The following ABCB7 variants were observed in gnomAD, a reference collection of about 807,000 sequenced individuals.
The protein encoded by ABCB7 is ATP binding cassette subfamily B member 7.
A neutral mutation model predicts 54.4 loss-of-function variants in ABCB7; 7 were observed. The ratio of observed to expected loss-of-function variants is 0.13; its 90% CI spans 0.07 to 0.24. The LOEUF is 0.24. Among genes scored for constraint, ABCB7 ranks in the 10% least tolerant of loss-of-function variants. The probability of loss-of-function intolerance (pLI) is 1.00; values close to 1 mark genes in which losing one functional copy is unlikely to be tolerated. For synonymous variants in ABCB7, 218 were observed against 207.1 expected (o/e 1.05, Z -0.45); for missense variants, 356 against 570.4 (o/e 0.62, Z 3.83).
intron 12 of ABCB7, 130 bp from the exon 13 acceptor site, chrX:75,065,371 A>T (rs2081310608): frequency 1.6e-6 from 1 of 612,247 alleles, no homozygotes; most frequent in Non-Finnish European, 2.5e-6. Flanking sequence ...CCCTTTCATC[A>T]TCCCTCATCT....
intron 15 of ABCB7, among the ~76,000 whole-genome samples, chrX:75,059,219 T>C (rs1250905558): frequency 1.8e-5 from 2 of 111,008 alleles, no homozygotes; most frequent in African/African-American, 6.6e-5. Context: ...TTCACGCCTG[T>C]AATCCCAGCG....
intron 4 of ABCB7, among the ~76,000 whole-genome samples, chrX:75,084,631 A>G (rs1345815156): frequency 1.8e-5 from 2 of 111,997 alleles, no homozygotes; most frequent in Admixed American, 9.5e-5. Context: ...TAATAAACTG[A>G]AATTTATCAA....
At chrX:75,096,195 G>A (rs1008326354) in intron 4 of ABCB7, among the ~76,000 whole-genome samples, 1 of 111,746 alleles carries the variant, frequency 8.9e-6, no homozygotes, top group African/African-American at 3.3e-5. Context: ...AATGCACGAG[G>A]GTTAAAATTT....
chrX:75,154,654 T>G (rs935046319), intron 1 of ABCB7, among the ~76,000 whole-genome samples: 4 of 112,044 alleles, frequency 3.6e-5, no homozygotes, highest in African/African-American at 1.3e-4. Flanking sequence ...CTTCTTTAAC[T>G]GGCTAACTTC....
chrX:75,122,418 G>A (rs774750688), intron 1 of ABCB7, among the ~76,000 whole-genome samples: 44 of 99,202 alleles, frequency 4.4e-4, no homozygotes, highest in Non-Finnish European at 7.3e-4. Flanking sequence ...AAAAATGGGC[G>A]AGCAGCAGCT....
At position 75,115,266 on chromosome X, in the gene ABCB7, CAAAAAAAAAAAAAAA is replaced by C. The variant is rs1160024642; in HGVS notation, c.169-450_169-436del. 1.7e-3 allele frequency among the ~76,000 whole-genome samples: 22 copies of C among 13,249 alleles called. No homozygotes were observed. In the Admixed American group the frequency reaches 0.022, roughly 13 times the overall value. The allele number at this position is 13,249 out of a possible 115,157, so 11.5% of individuals were successfully genotyped here. The stretch of plus-strand genomic sequence containing the variant: ...CTGGCAACAGAGCGAGACTCTGTCT[CAAAAAAAAAAAAAAA>C]AAAAAAAAAAAAAAAAAATGACAAA... On this transcript the variant is annotated intron_variant, in intron 1 of 15. Transcript: ENST00000373394.
intron 3 of ABCB7, among the ~76,000 whole-genome samples, chrX:75,108,805 C>T (rs2081729432): frequency 1.8e-5 from 2 of 111,152 alleles, no homozygotes; most frequent in South Asian, 7.5e-4. Flanking sequence ...ATCAGAAATA[C>T]TCACTAAATA....
At chrX:75,117,430 C>T (rs2081832150) in intron 1 of ABCB7, among the ~76,000 whole-genome samples, 1 of 110,305 alleles carries the variant, frequency 9.1e-6, no homozygotes, top group South Asian at 4.0e-4. Context: ...GTTAGAGGCC[C>T]AACTTAGGAG....
chrX:75,053,007 C>A lies in ABCB7; in HGVS notation c.*363G>T. 5.6e-6 allele frequency: 1 copy of A among 178,458 alleles called. No homozygotes were observed. Among genetic ancestry groups the A allele is most frequent in the Non-Finnish European group, 1.0e-5 (1 of 96,310 alleles). The allele number at this position is 178,458 out of a possible 1,213,427, so 14.7% of individuals were successfully genotyped here. A position where few individuals can be genotyped will look rare whatever the true frequency, so the allele number is the denominator to read the frequency against. On this transcript the variant is annotated 3_prime_UTR_variant, in exon 16 of 16. Coordinates refer to ENST00000373394, the MANE Select transcript of ABCB7 (RefSeq NM_001271696.3). ...TTCATGTTAAGAAACAGACACTTTC[C>A]CTCTAAATTGTCAGCATAAAGGTTT...
chrX:75,060,085 A>G (rs1319527007), intron 15 of ABCB7, 138 bp downstream of exon 15: 7 of 511,141 alleles, frequency 1.4e-5, no homozygotes, highest in African/African-American at 2.4e-5. Context: ...ATTATTTCCA[A>G]TCAAAAGGGG....
intron 15 of ABCB7, among the ~76,000 whole-genome samples, chrX:75,059,484 A>C (rs891011991): frequency 3.6e-5 from 4 of 110,360 alleles, no homozygotes; most frequent in African/African-American, 9.9e-5. Context: ...AAAAAAAAAA[A>C]CCAAAATGAT....
intron 1 of ABCB7, among the ~76,000 whole-genome samples, chrX:75,155,143 C>T (rs1246944130): frequency 1.8e-5 from 2 of 112,992 alleles, no homozygotes; most frequent in African/African-American, 3.2e-5. Flanking sequence ...ATCTCCTTAA[C>T]TAAACTGTAC....
chrX:75,114,867 G>A (rs370427323), intron 1 of ABCB7, 36 bp from the exon 2 acceptor site: 2 of 1,025,777 alleles, frequency 1.9e-6, no homozygotes, highest in African/African-American at 3.7e-5. Flanking sequence ...GGAAGTTTCA[G>A]AGTGGACACT....
chrX:75,151,729 G>A (rs1016291427), intron 1 of ABCB7, among the ~76,000 whole-genome samples: 15 of 111,654 alleles, frequency 1.3e-4, no homozygotes, highest in African/African-American at 4.9e-4. Context: ...TAGTTTACAG[G>A]ATCTGATGTC....
Position 75,156,263 on chromosome X carries a change from G to A in ABCB7, c.10C>T (p.Leu4Phe). 8.3e-7 allele frequency: 1 copy of A among 1,204,768 alleles called. No individual in the cohort carries two copies. Among genetic ancestry groups the A allele is most frequent in the Non-Finnish European group, 1.1e-6 (1 of 892,324 alleles). MALLAMHSWRWAAA... is the reference protein window; with the variant it reads MALFAMHSWRWAAA... ...GCCCAGCGCCAAGAATGCATCGCGAGCAGCGCCATCTTGAGCGAGGAAAGA... is the reference window on the plus strand; with the variant it reads ...GCCCAGCGCCAAGAATGCATCGCGAACAGCGCCATCTTGAGCGAGGAAAGA... The change falls in exon 1 of 16, where the codon CTC becomes TTC. Residue 4 changes from leucine to phenylalanine, a missense_variant. Transcript: ENST00000373394.
At chrX:75,091,211 T>C (rs1306399171) in intron 4 of ABCB7, among the ~76,000 whole-genome samples, 1 of 110,821 alleles carries the variant, frequency 9.0e-6, no homozygotes, top group Non-Finnish European at 1.9e-5. Context: ...AACAAAATAT[T>C]ACCAAATCAT....
intron 4 of ABCB7, among the ~76,000 whole-genome samples, chrX:75,085,482 T>A (rs1409587127): frequency 9.0e-6 from 1 of 111,205 alleles, no homozygotes; most frequent in Admixed American, 9.5e-5. Flanking sequence ...AAAGGGAGAT[T>A]TTTGGGGTGA....
intron 3 of ABCB7, among the ~76,000 whole-genome samples, chrX:75,109,350 G>C (rs2081736611): frequency 8.9e-6 from 1 of 111,983 alleles, no homozygotes; most frequent in Non-Finnish European, 1.9e-5. Context: ...TACACATTCT[G>C]TTTCTCAGGT....
intron 4 of ABCB7, among the ~76,000 whole-genome samples, chrX:75,088,422 T>A (rs1272896059): frequency 8.9e-6 from 1 of 111,798 alleles, no homozygotes; most frequent in East Asian, 2.8e-4. Context: ...GCAGACAGCA[T>A]GCAAGAAAAG....
Sources: allele counts gnomAD v4.1 joint callset (sites outside exome capture counted in the v4.1 genomes callset), GRCh38; gene constraint gnomAD v4.1.1; transcripts MANE v1.5; gene names NCBI Gene and HGNC (gene_info 2026-07-23, HGNC 2026-07-21).